GPAT3: variants seen among roughly 807,000 people sequenced by gnomAD.
GPAT3 encodes the protein glycerol-3-phosphate acyltransferase 3.
Under a neutral mutation model 58.8 loss-of-function variants are expected in GPAT3, and 53 were observed. The observed-to-expected ratio is 0.90, with a 90% CI of 0.72 to 1.13. The LOEUF (loss-of-function observed/expected upper bound fraction) is 1.13. Among genes scored for constraint, GPAT3 ranks in the 50% most tolerant of loss-of-function variants. The pLI is 0.00. For missense variants in GPAT3, 511 were observed against 527.6 expected (o/e 0.97, Z 0.31); for synonymous variants, 197 against 187.4 (o/e 1.05, Z -0.42).
intron 2 of GPAT3, among the ~76,000 whole-genome samples, chr4:83,571,842 G>A (rs985529826): frequency 2.6e-5 from 4 of 151,352 alleles, no homozygotes; most frequent in South Asian, 2.1e-4. Flanking sequence ...GTGCCATCTC[G>A]GCTCACTGCA....
At position 83,605,686 on chromosome 4, in the gene GPAT3, A is replaced by C. The variant is rs1727227846; in HGVS notation, c.*919A>C. On this transcript the variant is annotated 3_prime_UTR_variant, in exon 12 of 12. Transcript: ENST00000264409. ...AAACAGAAAAATGACTGATATAATTATCTTTTGGAAACTGAGCCTTAATTT... is the reference window on the plus strand; with the variant it reads ...AAACAGAAAAATGACTGATATAATTCTCTTTTGGAAACTGAGCCTTAATTT... The C allele has an allele frequency of 6.6e-6, 1 of 152,588 alleles. No homozygotes were observed. The highest frequency in any genetic ancestry group is 1.5e-5 in the Non-Finnish European group (1 of 68,040). The allele number at this position is 152,588 out of a possible 1,614,324, so 9.5% of individuals were successfully genotyped here. A position where few individuals can be genotyped will look rare whatever the true frequency, so the allele number is the denominator to read the frequency against.
chr4:83,597,302 T>A lies in GPAT3; in HGVS notation c.911-128T>A, dbSNP rs1027320261. The A allele has an allele frequency of 1.1e-5, 6 of 536,858 alleles. No individual in the cohort carries two copies. The African/African-American group carries it at 1.2e-4, about 11-fold the overall frequency. 33.3% of individuals were successfully genotyped at this position (536,858 alleles called of 1,614,324 possible). On this transcript the variant is annotated intron_variant, in intron 8 of 11. Transcript: ENST00000264409. Reference sequence around the variant, plus strand: ...TACCTTGGCAGGGGTTCGTTTGTGATATGGTAGTACGATGCCTGTAATTTT... The same window carrying A: ...TACCTTGGCAGGGGTTCGTTTGTGAAATGGTAGTACGATGCCTGTAATTTT...
intron 6 of GPAT3, among the ~76,000 whole-genome samples, chr4:83,592,771 T>C (rs1726653343): frequency 1.3e-5 from 2 of 152,232 alleles, no homozygotes; most frequent in African/African-American, 4.8e-5. Flanking sequence ...ATTTGCTTTG[T>C]CATTTGCTTT....
In GPAT3 at chr4:83,543,523, G is replaced by C. The variant is rs779907004; in HGVS notation, c.142-1013G>C. Among the ~76,000 whole-genome samples, 3 of 152,128 alleles carry C rather than the reference G, an allele frequency of 2.0e-5. 1 individual carries two copies. The South Asian group carries it at 6.2e-4, about 31-fold the overall frequency. On this transcript the variant is annotated intron_variant, in intron 1 of 11. Transcript: ENST00000264409. The stretch of plus-strand genomic sequence containing the variant: ...AAAACAAAGTGAGAGTTGTTTTCCA[G>C]TTCTTAAATTCCCTCAAATCTGTAG...
At position 83,536,711 on chromosome 4, in the gene GPAT3, T is replaced by C; in HGVS notation, c.89T>C (p.Val30Ala). 2.6e-6 allele frequency: 4 copies of C among 1,535,564 alleles called. No individual in the cohort carries two copies. The highest frequency in any genetic ancestry group is 2.6e-6 in the Non-Finnish European group (3 of 1,141,184). ...GFILLPSVFGVSLGISEIYMK... is the reference protein window; with the variant it reads ...GFILLPSVFGASLGISEIYMK... ...ATCCTTTTACCTTCGGTCTTCGGAG[T>C]GTCTCTGGGCATCTCCGAGATCTAC... Residue 30 changes from valine (V) to alanine (A), a missense_variant, in exon 1 of 12, where the codon GTG becomes GCG. Val to Ala is a moderately conservative substitution (Grantham distance 64). Transcript: ENST00000264409.
chr4:83,583,660 C>G (rs1628478), intron 3 of GPAT3, among the ~76,000 whole-genome samples: 1 of 80,030 alleles, frequency 1.2e-5, no homozygotes, highest in Non-Finnish European at 2.1e-5. Context: ...GAGCGAGACT[C>G]TTGTCTGAAA....
chr4:83,600,249 C>G (rs902607879), intron 11 of GPAT3, among the ~76,000 whole-genome samples: 44 of 152,162 alleles, frequency 2.9e-4, no homozygotes, highest in African/African-American at 9.9e-4. Context: ...CTCCTGTGTG[C>G]TTACATGATC....
Position 83,544,549 on chromosome 4 carries a change from G to A in GPAT3, c.155G>A (p.Arg52Gln). The A allele has an allele frequency of 1.2e-6, 2 of 1,613,938 alleles. No individual in the cohort carries two copies. The highest frequency in any genetic ancestry group is 1.7e-6 in the Non-Finnish European group (2 of 1,179,938). ...GTTTTTGAACAGTGGGCCACAATAC[G>A]AATTGAAAAAGGAACCCCAAAGGAG... ...LVKTLEWATIRIEKGTPKESI... is the reference protein window; with the variant it reads ...LVKTLEWATIQIEKGTPKESI... The change falls in exon 2 of 12, where the codon CGA becomes CAA. Residue 52 changes from arginine to glutamine, a missense_variant. By Grantham distance (43) the Arg-to-Gln change is conservative (BLOSUM62 1). Coordinates refer to ENST00000264409, the MANE Select transcript of GPAT3 (RefSeq NM_032717.5).
intron 2 of GPAT3, among the ~76,000 whole-genome samples, chr4:83,566,404 T>TA (rs1435096733): frequency 6.8e-6 from 1 of 147,558 alleles, no homozygotes; most frequent in Non-Finnish European, 1.5e-5. Flanking sequence ...TTCTTTTTTT[T>TA]AAAAAATTAA....
chr4:83,551,164 G>A (rs1357824616), intron 2 of GPAT3, among the ~76,000 whole-genome samples: 2 of 152,150 alleles, frequency 1.3e-5, no homozygotes. Flanking sequence ...CAGTGAAAAT[G>A]TGGAGACAAT....
At chr4:83,574,945 G>A (rs1343556694) in intron 2 of GPAT3, among the ~76,000 whole-genome samples, 3 of 139,718 alleles carry the variant, frequency 2.1e-5, no homozygotes, top group African/African-American at 8.1e-5. Context: ...GCGCGATCTC[G>A]GCTCACTGCA....
intron 9 of GPAT3, 58 bp downstream of exon 9, chr4:83,597,573 T>C: frequency 1.1e-5 from 13 of 1,237,296 alleles, no homozygotes; most frequent in Non-Finnish European, 1.4e-5. Flanking sequence ...GATTGGTAAT[T>C]TTATTTTGGT....
intron 2 of GPAT3, among the ~76,000 whole-genome samples, chr4:83,579,482 A>G (rs146469508): frequency 0.023 from 3,500 of 151,800 alleles, 141 homozygotes; most frequent in African/African-American, 0.08. Context: ...TTGTGGAGAC[A>G]GGTTTCACCA....
intron 3 of GPAT3, among the ~76,000 whole-genome samples, chr4:83,584,003 C>T (rs901960249): frequency 1.3e-5 from 2 of 151,990 alleles, no homozygotes; most frequent in African/African-American, 4.8e-5. Flanking sequence ...ACAACAAAAA[C>T]ACATGAAGCT....
In GPAT3 at chr4:83,536,699, C is replaced by T. The variant is rs1724104320; in HGVS notation, c.77C>T (p.Ser26Leu). 6.2e-7 allele frequency: 1 copy of T among 1,613,478 alleles called. No homozygotes were observed. Among genetic ancestry groups the T allele is most frequent in the African/African-American group, 1.3e-5 (1 of 74,876 alleles). Residue 26 changes from serine to leucine, a missense_variant, in exon 1 of 12, where the codon TCG becomes TTG. Physicochemically the swap from Ser to Leu is moderately radical, Grantham distance 145. Transcript: ENST00000264409. ...GTTCTCGGCTTCATCCTTTTACCTTCGGTCTTCGGAGTGTCTCTGGGCATC... is the reference window on the plus strand; with the variant it reads ...GTTCTCGGCTTCATCCTTTTACCTTTGGTCTTCGGAGTGTCTCTGGGCATC... ...TLVLGFILLP[S>L]VFGVSLGISE...
intron 3 of GPAT3, among the ~76,000 whole-genome samples, chr4:83,582,654 A>G (rs1726188936): frequency 6.6e-6 from 1 of 152,194 alleles, no homozygotes; most frequent in Non-Finnish European, 1.5e-5. Flanking sequence ...AACTTGGCAC[A>G]TGAATTGAAA....
At chr4:83,584,868 A>C (rs1217442950) in intron 3 of GPAT3, among the ~76,000 whole-genome samples, 1 of 152,236 alleles carries the variant, frequency 6.6e-6, no homozygotes, top group African/African-American at 2.4e-5. Flanking sequence ...AAAGCTCTTA[A>C]AAAACAGACT....
In GPAT3 at chr4:83,579,080, TCC is replaced by T. The variant is rs1333318182; in HGVS notation, c.209-2480_209-2479del. ...TTTCTTTCTTTCTTTCTTTCTTTCTTCCCTTCCTTCCTTCCTTCCTTCCTTCC... is the reference window on the plus strand; with the variant it reads ...TTTCTTTCTTTCTTTCTTTCTTTCTTCTTCCTTCCTTCCTTCCTTCCTTCC... On this transcript the variant is annotated intron_variant, in intron 2 of 11. Coordinates refer to ENST00000264409, the MANE Select transcript of GPAT3 (RefSeq NM_032717.5). Among the ~76,000 whole-genome samples, 20 of 26,256 alleles carry T rather than the reference TCC, an allele frequency of 7.6e-4. 2 individuals are homozygous for T. The South Asian group carries it at 0.01, about 13-fold the overall frequency. 17.2% of individuals were successfully genotyped at this position (26,256 alleles called of 152,430 possible). A position where few individuals can be genotyped will look rare whatever the true frequency, so the allele number is the denominator to read the frequency against.
chr4:83,550,348 A>C (rs1462481326), intron 2 of GPAT3, among the ~76,000 whole-genome samples: 1 of 152,112 alleles, frequency 6.6e-6, no homozygotes. Flanking sequence ...TTTCTTTAGC[A>C]TGGCCAAATG....
Sources: gnomAD v4.1 joint callset for allele counts (sites outside exome capture counted in the v4.1 genomes callset) on GRCh38, gnomAD v4.1.1 for gene constraint, MANE v1.5 for transcripts, NCBI Gene and HGNC (gene_info 2026-07-23, HGNC 2026-07-21) for gene names.